FHIT: variants seen among roughly 807,000 people sequenced by gnomAD.
FHIT encodes bis(5'-adenosyl)-triphosphatase.
In FHIT, 19 loss-of-function variants were observed where a neutral mutation model predicts 17.9. That is an observed-to-expected ratio of 1.06 (90% CI 0.74 to 1.56). FHIT has a LOEUF of 1.56. Among genes scored for constraint, FHIT ranks in the 40% most tolerant of loss-of-function variants. The pLI, the probability that FHIT is intolerant of heterozygous loss-of-function variation, is 0.00. For missense variants in FHIT, 248 were observed against 189.2 expected (o/e 1.31, Z -1.82); for synonymous variants, 81 against 69.7 (o/e 1.16, Z -0.81).
At chr3:61,222,089 TC>T (rs1274873836) in intron 1 of FHIT, among the ~76,000 whole-genome samples, 1 of 152,204 alleles carries the variant, frequency 6.6e-6, no homozygotes, top group African/African-American at 2.4e-5. Flanking sequence ...TGTGCCCTCC[TC>T]TGAACTCTCC....
chr3:59,900,307 G>T (rs564329688), intron 8 of FHIT, among the ~76,000 whole-genome samples: 13 of 152,334 alleles, frequency 8.5e-5, no homozygotes, highest in Non-Finnish European at 1.8e-4. Flanking sequence ...AGTTGTGCAG[G>T]CCTGTCCGCA....
chr3:61,021,598 C>CA (rs34870709), intron 3 of FHIT, among the ~76,000 whole-genome samples: 15,724 of 63,664 alleles, frequency 0.25, 1,907 homozygotes, highest in African/African-American at 0.33. Flanking sequence ...GACTCCGTCT[C>CA]AAAAAAAAAA....
intron 4 of FHIT, among the ~76,000 whole-genome samples, chr3:60,727,711 A>G (rs1236374009): frequency 6.6e-6 from 1 of 152,246 alleles, no homozygotes; most frequent in Non-Finnish European, 1.5e-5. Flanking sequence ...CAGTAATTTA[A>G]AAGGAGCATA....
intron 5 of FHIT, among the ~76,000 whole-genome samples, chr3:60,475,051 T>C (rs1451046525): frequency 6.9e-6 from 1 of 145,180 alleles, no homozygotes; most frequent in Admixed American, 6.7e-5. Flanking sequence ...ATGTCAGAAA[T>C]ATACAAAATA....
At chr3:60,823,975 G>T (rs1559750553) in intron 3 of FHIT, among the ~76,000 whole-genome samples, 1 of 152,322 alleles carries the variant, frequency 6.6e-6, no homozygotes, top group East Asian at 1.9e-4. Flanking sequence ...GGAATAGCCA[G>T]GGGAGAGTGG....
chr3:61,063,211 G>A (rs921166529), intron 2 of FHIT, among the ~76,000 whole-genome samples: 11 of 142,984 alleles, frequency 7.7e-5, no homozygotes, highest in African/African-American at 1.3e-4. Flanking sequence ...AGCTGAGACC[G>A]CGCCACTGCA....
Position 60,619,598 on chromosome 3 carries a change from TGCAAAAAAAAAAAA to T in FHIT, c.-17-82633_-17-82620del, listed in dbSNP as rs1463369418. On this transcript the variant is annotated intron_variant, in intron 4 of 9. Transcript: ENST00000492590. ...GATCTAGAACAAATGGATACCCACATGCAAAAAAAAAAAAAAAAAAAAAAAAAAAGAATCTAGAC... is the reference window on the plus strand; with the variant it reads ...GATCTAGAACAAATGGATACCCACATAAAAAAAAAAAAAAAGAATCTAGAC... 7.3e-3 allele frequency among the ~76,000 whole-genome samples: 336 copies of T among 45,758 alleles called. 2 individuals are homozygous for T. The highest frequency in any genetic ancestry group is 0.038 in the African/African-American group (319 of 8,458). The allele number at this position is 45,758 out of a possible 152,430, so 30.0% of individuals were successfully genotyped here. A position where few individuals can be genotyped will look rare whatever the true frequency, so the allele number is the denominator to read the frequency against.
intron 3 of FHIT, among the ~76,000 whole-genome samples, chr3:60,875,521 T>C (rs1553756252): frequency 2.6e-5 from 4 of 152,202 alleles, no homozygotes; most frequent in African/African-American, 9.7e-5. Flanking sequence ...CAGGGACCTT[T>C]AATTTAATGG....
chr3:60,796,755 T>C (rs1452329224), intron 4 of FHIT, among the ~76,000 whole-genome samples: 7 of 152,222 alleles, frequency 4.6e-5, no homozygotes, highest in Non-Finnish European at 8.8e-5. Context: ...CTAATGTTTG[T>C]ATTTTTAGTA....
At chr3:59,796,962 T>C (rs907487276) in intron 8 of FHIT, among the ~76,000 whole-genome samples, 7 of 152,336 alleles carry the variant, frequency 4.6e-5, no homozygotes, top group African/African-American at 1.7e-4. Context: ...GAAATTTTAC[T>C]CTCCTTCCTT....
chr3:60,659,810 G>A (rs2040198740), intron 4 of FHIT, among the ~76,000 whole-genome samples: 1 of 152,006 alleles, frequency 6.6e-6, no homozygotes, highest in Non-Finnish European at 1.5e-5. Context: ...CTTTGAATGT[G>A]CCATACTTGC....
chr3:60,236,542 G>A (rs988338299), intron 5 of FHIT, among the ~76,000 whole-genome samples: 3 of 152,040 alleles, frequency 2.0e-5, no homozygotes, highest in Non-Finnish European at 4.4e-5. Context: ...CTGAAGTGCT[G>A]TGGCACAATG....
At position 60,860,360 on chromosome 3, in the gene FHIT, ACATACATCATAT is replaced by A. The variant is rs1553751323; in HGVS notation, c.-110-38361_-110-38350del. Among the ~76,000 whole-genome samples, 55 of 143,702 alleles carry A rather than the reference ACATACATCATAT, an allele frequency of 3.8e-4. 8 individuals carry two copies. The highest frequency in any genetic ancestry group is 1.5e-3 in the African/African-American group (52 of 35,832). The allele number at this position is 143,702 out of a possible 152,430, so 94.3% of individuals were successfully genotyped here. A position where few individuals can be genotyped will look rare whatever the true frequency, so the allele number is the denominator to read the frequency against. ...ATGAGATACATCATATGTATACATG[ACATACATCATAT>A]GTATACATGACATACATCATATGTA... On this transcript the variant is annotated intron_variant, in intron 3 of 9. Coordinates refer to ENST00000492590, the MANE Select transcript of FHIT (RefSeq NM_002012.4).
intron 3 of FHIT, among the ~76,000 whole-genome samples, chr3:60,954,598 G>C (rs1709032007): frequency 6.6e-6 from 1 of 152,160 alleles, no homozygotes; most frequent in Non-Finnish European, 1.5e-5. Context: ...AGAAGGCATG[G>C]AATGTTTTAG....
At chr3:60,047,944 G>T (rs1326594186) in intron 5 of FHIT, among the ~76,000 whole-genome samples, 3 of 152,160 alleles carry the variant, frequency 2.0e-5, no homozygotes, top group Non-Finnish European at 4.4e-5. Flanking sequence ...GAGTTGGGTG[G>T]CTTAAACAGC....
At chr3:60,468,001 T>C (rs2032891243) in intron 5 of FHIT, among the ~76,000 whole-genome samples, 1 of 152,122 alleles carries the variant, frequency 6.6e-6, no homozygotes, top group Admixed American at 6.6e-5. Context: ...ATATTTACAA[T>C]TGTTATATCT....
intron 5 of FHIT, among the ~76,000 whole-genome samples, chr3:60,263,135 A>C (rs996987851): frequency 6.6e-6 from 1 of 152,008 alleles, no homozygotes; most frequent in African/African-American, 2.4e-5. Flanking sequence ...GCAAATTAAA[A>C]CCCAAATGAG....
At chr3:60,308,327 T>C (rs571651730) in intron 5 of FHIT, among the ~76,000 whole-genome samples, 1 of 132,784 alleles carries the variant, frequency 7.5e-6, no homozygotes, top group Non-Finnish European at 1.8e-5. Context: ...TCCTTCAGTG[T>C]AGAGTTCCCA....
chr3:60,045,174 G>C (rs911959317), intron 5 of FHIT, among the ~76,000 whole-genome samples: 2 of 152,228 alleles, frequency 1.3e-5, no homozygotes, highest in African/African-American at 4.8e-5. Context: ...CTACAGAACT[G>C]TACACTTAAA....
Sources: gnomAD v4.1 joint callset for allele counts (sites outside exome capture counted in the v4.1 genomes callset) on GRCh38, gnomAD v4.1.1 for gene constraint, MANE v1.5 for transcripts, NCBI Gene and HGNC (gene_info 2026-07-23, HGNC 2026-07-21) for gene names.